The following HAUS2 variants were observed in gnomAD, a reference collection of about 807,000 sequenced individuals.
HAUS2 encodes the protein HAUS augmin-like complex subunit 2.
HAUS2 carries 20 observed loss-of-function variants against 21.6 expected under a neutral mutation model. The ratio of observed to expected loss-of-function variants is 0.93; its 90% CI spans 0.65 to 1.35. HAUS2 has a LOEUF of 1.35. Among genes scored for constraint, HAUS2 ranks in the 40% most tolerant of loss-of-function variants. The pLI is 0.00. For synonymous variants in HAUS2, 113 were observed against 95.6 expected, an observed-to-expected ratio of 1.18 and a Z score of -1.06; for missense variants, 297 against 280.7, an observed-to-expected ratio of 1.06 and a Z score of -0.42.
intron 4 of HAUS2, among the ~76,000 whole-genome samples, chr15:42,562,975 T>C (rs2141604080): frequency 6.6e-6 from 1 of 152,100 alleles, no homozygotes; most frequent in East Asian, 1.9e-4. Flanking sequence ...TAACTGAATA[T>C]AGTGGTGCAC....
chr15:42,549,112 C>T (rs149934201), intron 1 of HAUS2, 147 bp downstream of exon 1: 614 of 569,160 alleles, frequency 1.1e-3, no homozygotes, highest in African/African-American at 0.01. Flanking sequence ...AGGCAACAGC[C>T]GCGAACGTTC....
chr15:42,558,112 A>C (rs557023698), intron 1 of HAUS2, 86 bp from the exon 2 acceptor site: 3 of 655,700 alleles, frequency 4.6e-6, no homozygotes, highest in African/African-American at 3.8e-5. Flanking sequence ...ATATTTTCTC[A>C]TATTTTAGAC....
At chr15:42,560,711 C>T in intron 3 of HAUS2, 1 of 673,606 alleles carries the variant, frequency 1.5e-6, no homozygotes, top group South Asian at 1.6e-5. Flanking sequence ...AACTGATTCT[C>T]TCAAGTAGCT....
Position 42,559,397 on chromosome 15 carries a change from CT to C in HAUS2, c.248del (p.Phe83SerfsTer13). 1 of 1,599,956 alleles carries C rather than the reference CT, an allele frequency of 6.3e-7. No individual in the cohort carries two copies. Among genetic ancestry groups the C allele is most frequent in the Non-Finnish European group, 8.6e-7 (1 of 1,167,270 alleles). On this transcript the variant is annotated frameshift_variant, in exon 3 of 6. Coordinates refer to ENST00000260372, the MANE Select transcript of HAUS2 (RefSeq NM_018097.3). LOFTEE classifies it high-confidence loss of function. ...LEKDTADVVHPFFLAQKCHTL... is the reference protein window; with the variant it reads ...LEKDTADVVHXFFLAQKCHTL... ...AAAGATACAGCAGATGTTGTTCATC[CT>C]TTCTTTTTGGGTAAGTGGTTTGGTT...
In HAUS2 at chr15:42,548,849, C is replaced by A. The variant is rs1446585009; in HGVS notation, c.-24C>A. The A allele has an allele frequency of 2.0e-6, 3 of 1,535,638 alleles. No homozygotes were observed. In the South Asian group the frequency reaches 3.6e-5, roughly 18 times the overall value. On this transcript the variant is annotated 5_prime_UTR_variant, in exon 1 of 6. Transcript: ENST00000260372. ...CTGCGATCCCGCTCACTCTTGGCGC[C>A]TTCGCGGAAGGTGCGTCCGAGCCAT...
At chr15:42,550,902 C>T (rs1303892344) in intron 1 of HAUS2, among the ~76,000 whole-genome samples, 1 of 151,994 alleles carries the variant, frequency 6.6e-6, no homozygotes, top group African/African-American at 2.4e-5. Flanking sequence ...CTCCTGACCT[C>T]GTGATCTGCC....
intron 1 of HAUS2, among the ~76,000 whole-genome samples, chr15:42,556,939 G>A: frequency 6.6e-6 from 1 of 151,884 alleles, no homozygotes; most frequent in Non-Finnish European, 1.5e-5. Flanking sequence ...AGCTATTTGG[G>A]AAGCTAAGGC....
At chr15:42,550,926 C>T (rs2057719365) in intron 1 of HAUS2, among the ~76,000 whole-genome samples, 1 of 151,962 alleles carries the variant, frequency 6.6e-6, no homozygotes, top group East Asian at 1.9e-4. Flanking sequence ...CTCTGCCTCC[C>T]AAAGTGCTGG....
intron 3 of HAUS2, among the ~76,000 whole-genome samples, chr15:42,559,631 A>G (rs946072877): frequency 2.6e-5 from 4 of 152,190 alleles, no homozygotes; most frequent in Non-Finnish European, 5.9e-5. Flanking sequence ...AGTCAGGAGA[A>G]CTTGAAAGAC....
intron 1 of HAUS2, among the ~76,000 whole-genome samples, chr15:42,555,597 G>A (rs1427216440): frequency 6.6e-6 from 1 of 152,028 alleles, no homozygotes; most frequent in Non-Finnish European, 1.5e-5. Flanking sequence ...TCACATATAT[G>A]CTAACACTGG....
chr15:42,556,102 C>T (rs936909018), intron 1 of HAUS2, among the ~76,000 whole-genome samples: 2 of 151,188 alleles, frequency 1.3e-5, no homozygotes, highest in Non-Finnish European at 2.9e-5. Flanking sequence ...ATTACAGGCG[C>T]CTGCCACCAC....
intron 2 of HAUS2, 80 bp from the exon 3 acceptor site, chr15:42,559,259 G>A: frequency 1.2e-6 from 1 of 805,762 alleles, no homozygotes; most frequent in Non-Finnish European, 2.2e-6. Context: ...CCAAAGTGCT[G>A]GGATTACAGG....
intron 3 of HAUS2, 83 bp downstream of exon 3, chr15:42,559,491 T>G: frequency 1.3e-6 from 1 of 777,724 alleles, no homozygotes; most frequent in Non-Finnish European, 2.3e-6. Context: ...TCAGTCAAAT[T>G]ATGATACACC....
chr15:42,561,317 G>A lies in HAUS2; in HGVS notation c.304G>A (p.Val102Met), dbSNP rs546190249. 13 of 1,570,214 alleles carry A rather than the reference G, an allele frequency of 8.3e-6. No homozygotes were observed. Among genetic ancestry groups the A allele is most frequent in the Admixed American group, 6.7e-5 (4 of 59,976 alleles). The change falls in exon 4 of 6, where the codon GTG (valine) becomes ATG (methionine). Residue 102 changes from valine (V) to methionine (M), a missense_variant. Val to Met is a conservative substitution (Grantham distance 21). Transcript: ENST00000260372. ...LQSMNNHLEA[V>M]LKEKRSLRQR... ...AAGCATGAATAATCATTTGGAAGCA[G>A]TGCTGAAAGAGAAGAGATCCCTTAG...
chr15:42,566,395 G>T (rs368638881), intron 5 of HAUS2, among the ~76,000 whole-genome samples: 3 of 152,248 alleles, frequency 2.0e-5, no homozygotes, highest in South Asian at 2.1e-4. Flanking sequence ...TAAATTGAGG[G>T]TCATCTGCAT....
At chr15:42,554,773 A>T (rs1229753938) in intron 1 of HAUS2, among the ~76,000 whole-genome samples, 1 of 151,452 alleles carries the variant, frequency 6.6e-6, no homozygotes, top group Non-Finnish European at 1.5e-5. Flanking sequence ...TACAGGTGTG[A>T]GCCACCACGC....
At chr15:42,559,455 C>A (rs751669093) in intron 3 of HAUS2, 47 bp downstream of exon 3, 1 of 1,076,020 alleles carries the variant, frequency 9.3e-7, no homozygotes, top group South Asian at 1.3e-5. Flanking sequence ...TCAACTTTTT[C>A]TTGGATTACT....
At chr15:42,565,114 G>C (rs1014105974) in intron 5 of HAUS2, among the ~76,000 whole-genome samples, 5 of 152,212 alleles carry the variant, frequency 3.3e-5, no homozygotes, top group Non-Finnish European at 7.3e-5. Context: ...TGGGATTAAA[G>C]GCCTGAGCCA....
chr15:42,550,123 G>T (rs1283979663), intron 1 of HAUS2, among the ~76,000 whole-genome samples: 1 of 152,044 alleles, frequency 6.6e-6, no homozygotes, highest in Non-Finnish European at 1.5e-5. Flanking sequence ...ATATTAGCCG[G>T]CATGGTGGCG....
Sources: allele counts gnomAD v4.1 joint callset (sites outside exome capture counted in the v4.1 genomes callset), GRCh38; gene constraint gnomAD v4.1.1; transcripts MANE v1.5; gene names NCBI Gene and HGNC (gene_info 2026-07-23, HGNC 2026-07-21).